The following GNA14 variants were observed in gnomAD, a reference collection of about 807,000 sequenced individuals.
GNA14 encodes the protein guanine nucleotide-binding protein subunit alpha-14.
GNA14 carries 50 observed loss-of-function variants against 42.0 expected under a neutral mutation model. That is an observed-to-expected ratio of 1.19 (90% CI 0.95 to 1.51). The LOEUF (loss-of-function observed/expected upper bound fraction) is 1.51, where lower values mean the gene tolerates loss of function less well. Ranked by LOEUF, GNA14 falls within the 40% of genes most tolerant of loss-of-function variation. The pLI is 0.00. For synonymous variants in GNA14, 173 were observed against 163.1 expected, an observed-to-expected ratio of 1.06 and a Z score of -0.46; for missense variants, 473 against 446.2, an observed-to-expected ratio of 1.06 and a Z score of -0.54.
intron 1 of GNA14, among the ~76,000 whole-genome samples, chr9:77,545,720 T>C (rs1837710970): frequency 6.6e-6 from 1 of 151,864 alleles, no homozygotes; most frequent in African/African-American, 2.4e-5. Flanking sequence ...CTGTTCCGCA[T>C]TACTTTTCCC....
intron 2 of GNA14, among the ~76,000 whole-genome samples, chr9:77,485,384 C>T (rs2131731869): frequency 1.3e-5 from 2 of 152,284 alleles, no homozygotes; most frequent in Middle Eastern, 3.4e-3. Context: ...TTCTCTTATA[C>T]TCCTACCACA....
chr9:77,618,611 TATATATA>T lies in GNA14; in HGVS notation c.124+29052_124+29058del, dbSNP rs1564067835. The stretch of plus-strand genomic sequence containing the variant: ...ATATATATATATATATATATATATA[TATATATA>T]TATTTTTTTTTTTTTTTTTTTTTTT... On this transcript the variant is annotated intron_variant, in intron 1 of 6. Coordinates refer to ENST00000341700, the MANE Select transcript of GNA14 (RefSeq NM_004297.4). Among the ~76,000 whole-genome samples the T allele has an allele frequency of 6.4e-3, 97 of 15,146 alleles. 2 individuals are homozygous for T. The highest frequency in any genetic ancestry group is 9.7e-3 in the African/African-American group (41 of 4,216). The allele number at this position is 15,146 out of a possible 152,430, so 9.9% of individuals were successfully genotyped here.
chr9:77,562,769 A>G (rs1822903121), intron 1 of GNA14, among the ~76,000 whole-genome samples: 1 of 151,856 alleles, frequency 6.6e-6, no homozygotes. Context: ...CTTTATGTTT[A>G]AAATTTTGTT....
At chr9:77,489,048 A>C (rs1309795827) in intron 2 of GNA14, among the ~76,000 whole-genome samples, 2 of 152,132 alleles carry the variant, frequency 1.3e-5, no homozygotes, top group African/African-American at 4.8e-5. Flanking sequence ...AGCAATTCAG[A>C]AGTTTATCAG....
chr9:77,528,680 A>G (rs913648300), intron 2 of GNA14, among the ~76,000 whole-genome samples: 2 of 152,202 alleles, frequency 1.3e-5, no homozygotes, highest in African/African-American at 4.8e-5. Flanking sequence ...TAGTGAAAAC[A>G]TTTCCTGAGA....
At chr9:77,434,578 G>A in intron 2 of GNA14, 56 bp from the exon 3 acceptor site, 1 of 1,471,896 alleles carries the variant, frequency 6.8e-7, no homozygotes, top group Non-Finnish European at 9.4e-7. Context: ...CCAACCCATT[G>A]GCAATGTCGG....
At chr9:77,441,031 T>C (rs1402707603) in intron 2 of GNA14, among the ~76,000 whole-genome samples, 1 of 152,162 alleles carries the variant, frequency 6.6e-6, no homozygotes, top group Non-Finnish European at 1.5e-5. Context: ...TTTTCAAATA[T>C]ACTATATATT....
At chr9:77,564,576 C>T (rs535017559) in intron 1 of GNA14, among the ~76,000 whole-genome samples, 204 of 152,132 alleles carry the variant, frequency 1.3e-3, no homozygotes, top group African/African-American at 4.7e-3. Flanking sequence ...TGCTTGGAGT[C>T]CCAGTCCTCC....
intron 1 of GNA14, among the ~76,000 whole-genome samples, chr9:77,583,744 C>T (rs1409938491): frequency 1.3e-5 from 2 of 152,084 alleles, no homozygotes; most frequent in Admixed American, 6.6e-5. Context: ...CTGTGCATAC[C>T]ACCTGGGGAT....
At chr9:77,591,627 A>G (rs905440618) in intron 1 of GNA14, among the ~76,000 whole-genome samples, 3 of 152,198 alleles carry the variant, frequency 2.0e-5, no homozygotes, top group Non-Finnish European at 4.4e-5. Flanking sequence ...GAAAACATTC[A>G]GTACAGTAGT....
chr9:77,461,218 T>G (rs560001141), intron 2 of GNA14, among the ~76,000 whole-genome samples: 2 of 152,252 alleles, frequency 1.3e-5, no homozygotes, highest in South Asian at 4.1e-4. Flanking sequence ...CAAAGTGAGC[T>G]CCTCAGACCA....
In GNA14 at chr9:77,454,764, C is replaced by A. The variant is rs920248883; in HGVS notation, c.310-20242G>T. 5.9e-5 allele frequency among the ~76,000 whole-genome samples: 9 copies of A among 152,060 alleles called. No individual in the cohort carries two copies. In the South Asian group the frequency reaches 1.9e-3, roughly 32 times the overall value. On this transcript the variant is annotated intron_variant, in intron 2 of 6. Transcript: ENST00000341700. ...CAACCCAGAAACCTGACTCTCTGCC[C>A]CACCAGTAGAGCAAAGGCCTTTCTA...
At chr9:77,439,722 G>A (rs1312164691) in intron 2 of GNA14, among the ~76,000 whole-genome samples, 1 of 152,228 alleles carries the variant, frequency 6.6e-6, no homozygotes, top group Non-Finnish European at 1.5e-5. Flanking sequence ...ATCCACAGGT[G>A]TCTGGGTACT....
intron 4 of GNA14, among the ~76,000 whole-genome samples, chr9:77,429,669 G>A (rs1330768567): frequency 6.6e-6 from 1 of 152,118 alleles, no homozygotes; most frequent in Non-Finnish European, 1.5e-5. Context: ...GAGCCAAGTG[G>A]GCTCCCCAAA....
intron 2 of GNA14, among the ~76,000 whole-genome samples, chr9:77,460,669 C>T (rs911545089): frequency 1.3e-5 from 2 of 151,964 alleles, no homozygotes; most frequent in Non-Finnish European, 2.9e-5. Flanking sequence ...GGGACGAGTA[C>T]GCAGGAAGCA....
chr9:77,458,407 C>T (rs990338340), intron 2 of GNA14, among the ~76,000 whole-genome samples: 1 of 152,126 alleles, frequency 6.6e-6, no homozygotes, highest in Non-Finnish European at 1.5e-5. Flanking sequence ...TGGCCACGCG[C>T]GCCTGAACCT....
intron 2 of GNA14, among the ~76,000 whole-genome samples, chr9:77,477,698 T>G (rs535277937): frequency 3.3e-5 from 5 of 152,210 alleles, no homozygotes; most frequent in African/African-American, 1.2e-4. Context: ...ATGAAGCTAT[T>G]TGAGGGAAGC....
intron 2 of GNA14, among the ~76,000 whole-genome samples, chr9:77,476,200 G>C (rs978423716): frequency 7.7e-4 from 117 of 152,136 alleles, no homozygotes; most frequent in African/African-American, 2.6e-3. Context: ...CCAACTTCCT[G>C]GGGAAATGAT....
intron 1 of GNA14, among the ~76,000 whole-genome samples, chr9:77,618,967 A>T (rs1564068014): frequency 6.6e-6 from 1 of 151,890 alleles, no homozygotes; most frequent in Non-Finnish European, 1.5e-5. Context: ...TAAGACATAT[A>T]TTAACAATAA....
Sources: allele counts gnomAD v4.1 joint callset (sites outside exome capture counted in the v4.1 genomes callset), GRCh38; gene constraint gnomAD v4.1.1; transcripts MANE v1.5; gene names NCBI Gene and HGNC (gene_info 2026-07-23, HGNC 2026-07-21).